RABGAP1: variants seen among roughly 807,000 people sequenced by gnomAD.
The protein encoded by RABGAP1 is RAB GTPase activating protein 1.
In RABGAP1, 23 loss-of-function variants were observed where a neutral mutation model predicts 137.6. The observed-to-expected ratio is 0.17, with a 90% confidence interval of 0.12 to 0.24. The LOEUF is 0.24. Ranked by LOEUF, RABGAP1 falls within the 10% of genes least tolerant of loss-of-function variation. The pLI is 1.00. For synonymous variants in RABGAP1, 451 were observed against 450.7 expected, an observed-to-expected ratio of 1.00 and a Z score of -0.01; for missense variants, 906 against 1,275.8, an observed-to-expected ratio of 0.71 and a Z score of 4.42.
At chr9:122,970,428 T>C (rs961456681) in intron 2 of RABGAP1, among the ~76,000 whole-genome samples, 4 of 152,174 alleles carry the variant, frequency 2.6e-5, no homozygotes, top group Non-Finnish European at 1.5e-5. Context: ...CTGGGCAACA[T>C]AGTGATACCC....
chr9:123,057,193 G>A (rs1169056343), intron 13 of RABGAP1, among the ~76,000 whole-genome samples: 3 of 149,550 alleles, frequency 2.0e-5, no homozygotes, highest in African/African-American at 4.9e-5. Flanking sequence ...GCTGCCGGGC[G>A]GAGACGCTCC....
intron 2 of RABGAP1, among the ~76,000 whole-genome samples, chr9:122,961,302 A>T (rs1184782297): frequency 1.3e-5 from 2 of 152,202 alleles, no homozygotes; most frequent in Non-Finnish European, 2.9e-5. Context: ...CTTACAAGGG[A>T]ACCTGCCCAT....
In RABGAP1 at chr9:122,990,163, C is replaced by A. The variant is rs773873698; in HGVS notation, c.873C>A (p.Thr291=). Residue 291 remains threonine (T), a synonymous_variant, in exon 6 of 26, where the codon ACC becomes ACA. Coordinates refer to ENST00000373647, the MANE Select transcript of RABGAP1 (RefSeq NM_012197.4). ...AGACTCCTGACAGTGACATCTTTACCTTCTCTGTGTCTTTAGAAATAAAAG... is the reference window on the plus strand; with the variant it reads ...AGACTCCTGACAGTGACATCTTTACATTCTCTGTGTCTTTAGAAATAAAAG... ...APQTPDSDIF[T]FSVSLEIKED... The A allele has an allele frequency of 3.7e-6, 6 of 1,611,708 alleles. No individual in the cohort carries two copies. Among genetic ancestry groups the A allele is most frequent in the Admixed American group, 1.7e-5 (1 of 59,946 alleles).
chr9:122,948,383 G>A (rs868729636), intron 1 of RABGAP1, among the ~76,000 whole-genome samples: 1 of 152,046 alleles, frequency 6.6e-6, no homozygotes, highest in Non-Finnish European at 1.5e-5. Flanking sequence ...AGATACTTGG[G>A]TTTGGATCAA....
chr9:122,945,957 T>C (rs527592353), intron 1 of RABGAP1: 2 of 152,324 alleles, frequency 1.3e-5, no homozygotes, highest in South Asian at 2.1e-4. Flanking sequence ...GGAAATGATA[T>C]GCAGAATCCT....
chr9:123,041,872 A>G (rs1177698453), intron 13 of RABGAP1, among the ~76,000 whole-genome samples: 1 of 152,224 alleles, frequency 6.6e-6, no homozygotes, highest in African/African-American at 2.4e-5. Flanking sequence ...AAAACAGAGT[A>G]ATTGATAGAA....
At chr9:123,080,126 C>A (rs1041589500) in intron 19 of RABGAP1, among the ~76,000 whole-genome samples, 12 of 152,094 alleles carry the variant, frequency 7.9e-5, no homozygotes, top group African/African-American at 2.9e-4. Flanking sequence ...ATATATGGAT[C>A]CTTTATTTCC....
At chr9:122,967,202 G>C (rs892164554) in intron 2 of RABGAP1, among the ~76,000 whole-genome samples, 5 of 152,130 alleles carry the variant, frequency 3.3e-5, no homozygotes, top group Non-Finnish European at 7.4e-5. Context: ...GCAGGCCTTG[G>C]GGATCCTCAA....
rs1837063536 is a variant in RABGAP1 at position 122,997,118 on chromosome 9, AAATGT to A, written c.1102-137_1102-133del. On this transcript the variant is annotated intron_variant, in intron 8 of 25. Coordinates refer to ENST00000373647, the MANE Select transcript of RABGAP1 (RefSeq NM_012197.4). ...AAATAATTGTCACATTTTTTACCAT[AAATGT>A]AATCATTCACATACACTTATCCTCT... 9.5e-6 allele frequency: 6 copies of A among 632,922 alleles called. No individual in the cohort carries two copies. In the South Asian group the frequency reaches 1.2e-4, roughly 13 times the overall value. The allele number at this position is 632,922 out of a possible 1,614,324, so 39.2% of individuals were successfully genotyped here.
intron 2 of RABGAP1, among the ~76,000 whole-genome samples, chr9:122,957,458 T>G (rs1030469398): frequency 6.6e-6 from 1 of 152,220 alleles, no homozygotes; most frequent in Non-Finnish European, 1.5e-5. Context: ...TATAAACATT[T>G]GTCATTTTAG....
chr9:122,951,369 G>A (rs1272570451), intron 1 of RABGAP1, among the ~76,000 whole-genome samples: 1 of 151,440 alleles, frequency 6.6e-6, no homozygotes, highest in Non-Finnish European at 1.5e-5. Flanking sequence ...CTTCTCAGAT[G>A]TTAGTTAACT....
At chr9:122,964,771 A>G (rs12686073) in intron 2 of RABGAP1, among the ~76,000 whole-genome samples, 11,797 of 152,178 alleles carry the variant, frequency 0.078, 1,621 homozygotes, top group East Asian at 0.61. Context: ...GGAGAGGATC[A>G]CTTGAGCCCA....
At position 122,943,083 on chromosome 9, in the gene RABGAP1, T is replaced by C. The variant is rs920786416; in HGVS notation, c.-50+1990T>C. On this transcript the variant is annotated intron_variant, in intron 1 of 25. Transcript: ENST00000373647. ...TTGTGGTGCACTTTCTTTTTTTTTT[T>C]TTTTTTTTTTTTTTTTTTGAGACTG... is the stretch of plus-strand genomic sequence containing the variant. 1.7e-3 allele frequency among the ~76,000 whole-genome samples: 52 copies of C among 29,788 alleles called. No homozygotes were observed. The Non-Finnish European group carries it at 0.021, about 12-fold the overall frequency. 19.5% of individuals were successfully genotyped at this position (29,788 alleles called of 152,430 possible). A position where few individuals can be genotyped will look rare whatever the true frequency, so the allele number is the denominator to read the frequency against.
intron 13 of RABGAP1, among the ~76,000 whole-genome samples, chr9:123,030,904 CA>C (rs1417615791): frequency 1.3e-5 from 2 of 152,068 alleles, no homozygotes; most frequent in East Asian, 3.9e-4. Context: ...TAATCCAAAG[CA>C]AAACATTTAA....
rs1295154615 is a variant in RABGAP1, at chr9:123,101,595, G to A, written c.2919G>A (p.Arg973=). ...AAGTGGATGACTGTGAGCGGTGCCG[G>A]GAATTTTTCAACAAAGAAGGGCGTG... ...RQKVDDCERC[R]EFFNKEGRVK... Residue 973 remains arginine (R), a synonymous_variant, in exon 25 of 26, where the codon CGG becomes CGA. Coordinates refer to ENST00000373647, the MANE Select transcript of RABGAP1 (RefSeq NM_012197.4). The A allele has an allele frequency of 6.2e-7, 1 of 1,613,866 alleles. No homozygotes were observed. Among genetic ancestry groups the A allele is most frequent in the Non-Finnish European group, 8.5e-7 (1 of 1,179,972 alleles).
At chr9:122,944,024 A>G (rs767370347) in intron 1 of RABGAP1, among the ~76,000 whole-genome samples, 36 of 152,160 alleles carry the variant, frequency 2.4e-4, no homozygotes, top group Non-Finnish European at 4.4e-5. Flanking sequence ...TGGAGGTCTC[A>G]TTATTTCCCA....
At chr9:123,059,452 G>A (rs1329147074) in intron 13 of RABGAP1, among the ~76,000 whole-genome samples, 1 of 152,202 alleles carries the variant, frequency 6.6e-6, no homozygotes, top group Non-Finnish European at 1.5e-5. Flanking sequence ...CTACTCAGGA[G>A]GCTGAGGCAG....
At chr9:123,012,129 A>T (rs970479703) in intron 11 of RABGAP1, among the ~76,000 whole-genome samples, 3 of 152,214 alleles carry the variant, frequency 2.0e-5, no homozygotes, top group Non-Finnish European at 4.4e-5. Context: ...AAGCATTTTG[A>T]AGTATGGAAA....
intron 13 of RABGAP1, chr9:123,029,842 G>T: frequency 2.6e-6 from 1 of 384,832 alleles, no homozygotes; most frequent in Non-Finnish European, 4.9e-6. Flanking sequence ...ATAATAAGTG[G>T]TAGTTGACAC....
Sources: allele counts gnomAD v4.1 joint callset (sites outside exome capture counted in the v4.1 genomes callset), GRCh38; gene constraint gnomAD v4.1.1; transcripts MANE v1.5; gene names NCBI Gene and HGNC (gene_info 2026-07-23, HGNC 2026-07-21).